Variants in MYO7A observed in about 807,000 individuals in gnomAD.
MYO7A encodes myosin VIIA.
In MYO7A, 210 loss-of-function variants were observed where a neutral mutation model predicts 263.8. The ratio of observed to expected loss-of-function variants is 0.80; its 90% CI spans 0.71 to 0.89. The LOEUF is 0.89. MYO7A is among the 40% of genes least tolerant of loss of function. The pLI is 0.00. For missense variants in MYO7A, 2,820 were observed against 2,968.3 expected, an observed-to-expected ratio of 0.95 and a Z score of 1.16; for synonymous variants, 1,239 against 1,197.3, an observed-to-expected ratio of 1.03 and a Z score of -0.72.
chr11:77,190,205 T>G, intron 29 of MYO7A, 66 bp downstream of exon 29: 1 of 1,414,390 alleles, frequency 7.1e-7, no homozygotes, highest in Non-Finnish European at 9.5e-7. Flanking sequence ...CGTGTGTGTG[T>G]GTGTCCAGTG....
intron 6 of MYO7A, 34 bp from the exon 7 acceptor site, chr11:77,156,828 G>C: frequency 1.2e-6 from 2 of 1,613,934 alleles, no homozygotes; most frequent in Admixed American, 1.7e-5. Flanking sequence ...GGGCGGGAGC[G>C]GGCTTTGCCA....
rs1252549431 is a variant in MYO7A at position 77,208,430 on chromosome 11, G to A, written c.5857G>A (p.Val1953Ile). The A allele has an allele frequency of 6.2e-7, 1 of 1,610,552 alleles. No homozygotes were observed. The highest frequency in any genetic ancestry group is 1.7e-5 in the Admixed American group (1 of 59,900). The change falls in exon 43 of 49, where the codon GTC (valine) becomes ATC (isoleucine). Residue 1953 changes from valine to isoleucine, a missense_variant and splice_region_variant. By Grantham distance (29) the Val-to-Ile change is conservative. Coordinates refer to ENST00000409709, the MANE Select transcript of MYO7A (RefSeq NM_000260.4). ...TGTGCTTCGATGGCCCTGACCCCAGGTCCTCAGCGTTCCTGAGAATGACTT... is the reference window on the plus strand; with the variant it reads ...TGTGCTTCGATGGCCCTGACCCCAGATCCTCAGCGTTCCTGAGAATGACTT... Reference protein sequence around the residue: ...FSLFVKIADKVLSVPENDFFF... With the variant: ...FSLFVKIADKILSVPENDFFF...
Position 77,157,005 on chromosome 11 carries a change from G to GGGC in MYO7A, c.735+1_735+2insGGC. 1 of 1,612,256 alleles carries GGGC rather than the reference G, an allele frequency of 6.2e-7. No individual in the cohort carries two copies. The highest frequency in any genetic ancestry group is 8.5e-7 in the Non-Finnish European group (1 of 1,179,234). On this transcript the variant is annotated splice_donor_variant, in intron 7 of 48. Coordinates refer to ENST00000409709, the MANE Select transcript of MYO7A (RefSeq NM_000260.4). LOFTEE classifies it high-confidence loss of function. ...GGAAAAGTCACGTGTCTGTCGCCAGGTGGGCCTGAGCCCCAGGGATGCAGG... is the reference window on the plus strand; with the variant it reads ...GGAAAAGTCACGTGTCTGTCGCCAGGGGCTGGGCCTGAGCCCCAGGGATGCAGG...
At chr11:77,209,139 A>T (rs1957690453) in intron 44 of MYO7A, 1 of 255,872 alleles carries the variant, frequency 3.9e-6, no homozygotes, top group Admixed American at 4.9e-5. Flanking sequence ...AACATTTTCT[A>T]GCATAGGCAC....
chr11:77,182,387 C>G, intron 24 of MYO7A, 37 bp from the exon 25 acceptor site: 1 of 1,570,194 alleles, frequency 6.4e-7, no homozygotes, highest in Non-Finnish European at 8.6e-7. Context: ...TAGCAATGTC[C>G]TCCGCTCTGG....
At chr11:77,181,792 T>TG (rs1955232928) in intron 23 of MYO7A, among the ~76,000 whole-genome samples, 159 bp from the exon 24 acceptor site, 1 of 148,756 alleles carries the variant, frequency 6.7e-6, no homozygotes, top group South Asian at 2.2e-4. Context: ...TTTTTTTTTT[T>TG]TTTTTTTTTT....
chr11:77,188,461 A>G (rs1555089570), intron 27 of MYO7A, among the ~76,000 whole-genome samples: 1 of 152,196 alleles, frequency 6.6e-6, no homozygotes, highest in African/African-American at 2.4e-5. Context: ...AAACTCTCAA[A>G]ACTGTTGAGC....
At chr11:77,149,459 A>G (rs1254277808) in intron 4 of MYO7A, among the ~76,000 whole-genome samples, 2 of 152,210 alleles carry the variant, frequency 1.3e-5, no homozygotes, top group Non-Finnish European at 2.9e-5. Flanking sequence ...CATGCTGGCA[A>G]GCGATCGGCA....
intron 32 of MYO7A, among the ~76,000 whole-genome samples, chr11:77,197,258 C>T (rs2135653325): frequency 6.6e-6 from 1 of 152,340 alleles, no homozygotes; most frequent in South Asian, 2.1e-4. Flanking sequence ...CTTTGGGCCC[C>T]AGCACCTGCA....
rs111033283 is a variant in MYO7A, at chr11:77,156,909, G to A, written c.640G>A (p.Gly214Arg). The A allele has an allele frequency of 1.6e-5, 26 of 1,613,900 alleles. No individual in the cohort carries two copies. The highest frequency in any genetic ancestry group is 2.0e-5 in the Non-Finnish European group (24 of 1,179,902). ...CCGCAATGACAACTCAAGCCGTTTC[G>A]GAAAGTACATCGACATCCACTTCAA... ...TIRNDNSSRFGKYIDIHFNKR... is the reference protein window; with the variant it reads ...TIRNDNSSRFRKYIDIHFNKR... The change falls in exon 7 of 49, where the codon GGA becomes AGA. Residue 214 changes from glycine to arginine, a missense_variant. Coordinates refer to ENST00000409709, the MANE Select transcript of MYO7A (RefSeq NM_000260.4).
Position 77,203,171 on chromosome 11 carries a change from C to T in MYO7A, c.5280C>T (p.Leu1760=), listed in dbSNP as rs1957190880. The T allele has an allele frequency of 6.4e-7, 1 of 1,552,060 alleles. No individual in the cohort carries two copies. Among genetic ancestry groups the T allele is most frequent in the Non-Finnish European group, 8.7e-7 (1 of 1,148,600 alleles). Residue 1760 remains leucine, a synonymous_variant, in exon 38 of 49, where the codon CTC becomes CTT. Coordinates refer to ENST00000409709, the MANE Select transcript of MYO7A (RefSeq NM_000260.4). ...TCAAGCAGGCGCTGCTCAAGAAGCT[C>T]CTGGGCAGTGAGGAGCTCTCGCAGG... is the stretch of plus-strand genomic sequence containing the variant. The part of the protein sequence containing the change: ...EPLKQALLKK[L]LGSEELSQEA...
Position 77,177,608 on chromosome 11 carries a change from C to T in MYO7A, c.2247C>T (p.Ile749=), listed in dbSNP as rs782112336. ...ERDKAITDRV[I]LLQKVIRGFK... ...ACAAAGCCATCACCGACAGAGTCAT[C>T]CTCCTTCAGAAAGTCATCCGGGGAT... The change falls in exon 19 of 49, where the codon ATC becomes ATT. Residue 749 remains isoleucine (I), a synonymous_variant. Transcript: ENST00000409709. 1.7e-5 allele frequency: 27 copies of T among 1,611,904 alleles called. No homozygotes were observed. The highest frequency in any genetic ancestry group is 2.2e-5 in the Non-Finnish European group (26 of 1,179,256).
chr11:77,160,227 T>C lies in MYO7A; in HGVS notation c.1145T>C (p.Val382Ala), dbSNP rs1353864858. 6.3e-7 allele frequency: 1 copy of C among 1,581,350 alleles called. No homozygotes were observed. The highest frequency in any genetic ancestry group is 1.3e-5 in the African/African-American group (1 of 74,238). The change falls in exon 11 of 49, where the codon GTG (valine) becomes GCG (alanine). Residue 382 changes from valine (V) to alanine (A), a missense_variant. Val to Ala is a moderately conservative substitution (Grantham distance 64). Transcript: ENST00000409709. ...ACCCTCATCACCCGCGGGGAGACGGTGTCCACCCCACTGAGCAGGGAACAG... is the reference window on the plus strand; with the variant it reads ...ACCCTCATCACCCGCGGGGAGACGGCGTCCACCCCACTGAGCAGGGAACAG... ...SRTLITRGET[V>A]STPLSREQAL... is the part of the protein sequence containing the mutation.
At chr11:77,149,873 C>T (rs1555056244) in intron 4 of MYO7A, among the ~76,000 whole-genome samples, 2 of 152,124 alleles carry the variant, frequency 1.3e-5, no homozygotes, top group African/African-American at 4.8e-5. Context: ...ACCCAGCCAG[C>T]AGGGAGGAGC....
Position 77,157,263 on chromosome 11 carries a change from G to GTGCCCACATTTT in MYO7A, c.736-15_736-4dup, listed in dbSNP as rs111033503. The GTGCCCACATTTT allele has an allele frequency of 3.7e-3, 5,829 of 1,591,982 alleles. 137 individuals are homozygous for GTGCCCACATTTT. In the African/African-American group the frequency reaches 0.059, roughly 16 times the overall value. ...CCCTCCTCCCCTGGCCCCCAGCACT[G>GTGCCCACATTTT]TGCCCACATTTTCAGGCCCTGGATG... On this transcript the variant is annotated splice_polypyrimidine_tract_variant and intron_variant, in intron 7 of 48. Coordinates refer to ENST00000409709, the MANE Select transcript of MYO7A (RefSeq NM_000260.4).
rs35963362 is a variant in MYO7A, at chr11:77,182,561, G to T, written c.3246G>T (p.Thr1082=). 1 of 1,613,270 alleles carries T rather than the reference G, an allele frequency of 6.2e-7. No individual in the cohort carries two copies. The highest frequency in any genetic ancestry group is 2.2e-5 in the East Asian group (1 of 44,876). The change falls in exon 25 of 49, where the codon ACG becomes ACT. Residue 1082 remains threonine, a synonymous_variant. Coordinates refer to ENST00000409709, the MANE Select transcript of MYO7A (RefSeq NM_000260.4). Reference sequence around the variant, plus strand: ...TTTATGAGACCCTGGGCAAGAAGACGTACAAGAGGGAGCTGCAGGCCCTGC... The same window carrying T: ...TTTATGAGACCCTGGGCAAGAAGACTTACAAGAGGGAGCTGCAGGCCCTGC... ...TKIYETLGKK[T]YKRELQALQG... is the part of the protein sequence containing the mutation.
At chr11:77,182,350 C>G in intron 24 of MYO7A, 74 bp from the exon 25 acceptor site, 1 of 1,506,952 alleles carries the variant, frequency 6.6e-7, no homozygotes, top group Non-Finnish European at 8.9e-7. Flanking sequence ...GCCCACTCCC[C>G]AAACCGCCAG....
chr11:77,203,242 C>G, intron 38 of MYO7A, 25 bp downstream of exon 38: 1 of 1,544,272 alleles, frequency 6.5e-7, no homozygotes, highest in Non-Finnish European at 8.7e-7. Flanking sequence ...GGGCTGTGCC[C>G]AGGGGAGCCA....
intron 44 of MYO7A, among the ~76,000 whole-genome samples, chr11:77,209,646 CTG>C (rs1435626599): frequency 3.3e-5 from 5 of 152,026 alleles, no homozygotes; most frequent in African/African-American, 1.2e-4. Context: ...TACCTGATGA[CTG>C]TACCTCCTGG....
Sources: gnomAD v4.1 joint callset for allele counts (sites outside exome capture counted in the v4.1 genomes callset) on GRCh38, gnomAD v4.1.1 for gene constraint, MANE v1.5 for transcripts, NCBI Gene and HGNC (gene_info 2026-07-23, HGNC 2026-07-21) for gene names.